ISM1: variants seen among roughly 807,000 people sequenced by gnomAD.
ISM1 encodes isthmin 1, also known as isthmin-1.
In ISM1, 25 loss-of-function variants were observed where a neutral mutation model predicts 46.3. The observed-to-expected ratio is 0.54, with a 90% CI of 0.39 to 0.75. The LOEUF (loss-of-function observed/expected upper bound fraction) is 0.75. ISM1 is among the 30% of genes least tolerant of loss of function. ISM1 has a pLI of 0.00. For synonymous variants in ISM1, 255 were observed against 256.7 expected, an observed-to-expected ratio of 0.99 and a Z score of 0.06; for missense variants, 536 against 625.4, an observed-to-expected ratio of 0.86 and a Z score of 1.52.
intron 1 of ISM1, among the ~76,000 whole-genome samples, chr20:13,268,346 TCC>T: frequency 3.7e-5 from 2 of 53,852 alleles, no homozygotes; most frequent in African/African-American, 7.1e-5. Flanking sequence ...TCCTTCTTCT[TCC>T]TCTCTCTCTC....
chr20:13,231,745 A>G (rs2039590724), intron 1 of ISM1, among the ~76,000 whole-genome samples: 1 of 152,154 alleles, frequency 6.6e-6, no homozygotes, highest in Non-Finnish European at 1.5e-5. Flanking sequence ...TTCCCCATGG[A>G]AGAGATAGTA....
intron 1 of ISM1, among the ~76,000 whole-genome samples, chr20:13,251,663 G>A (rs1478549365): frequency 6.6e-6 from 1 of 152,224 alleles, no homozygotes. Context: ...CCTTTGGTCA[G>A]AGAGCAAGCA....
rs186996176 is a variant in ISM1 at position 13,249,922 on chromosome 20, C to A, written c.139-20582C>A. ...TTCTCATTTGCAAAAATTGCTGGGG[C>A]CTTCCAGAAAAAGGCTTAATGTAAT... On this transcript the variant is annotated intron_variant, in intron 1 of 5. Transcript: ENST00000262487. Among the ~76,000 whole-genome samples, 5 of 152,172 alleles carry A rather than the reference C, an allele frequency of 3.3e-5. No homozygotes were observed. The East Asian group carries it at 7.7e-4, about 23-fold the overall frequency.
rs768775917 is a variant in ISM1, at chr20:13,270,625, G to A, written c.260G>A (p.Arg87Gln). The change falls in exon 2 of 6, where the codon CGA becomes CAA. Residue 87 changes from arginine to glutamine, a missense_variant. Arg to Gln is a conservative substitution (Grantham distance 43). This residue lies in a region of ISM1 where 367 missense variants were observed against 376.1 expected (regional missense o/e 0.98). Transcript: ENST00000262487. ...CAACCCTTCCCCAGACCGCGATTCC[G>A]ACAAGAGACGGGGCACCCTTCATTG... ...AHQPFPRPRF[R>Q]QETGHPSLQR... is the part of the protein sequence containing the mutation. The A allele has an allele frequency of 4.3e-5, 70 of 1,613,972 alleles. No homozygotes were observed. The highest frequency in any genetic ancestry group is 5.4e-5 in the Non-Finnish European group (64 of 1,179,882).
intron 2 of ISM1, among the ~76,000 whole-genome samples, chr20:13,274,098 C>A (rs2040147588): frequency 6.6e-6 from 1 of 151,644 alleles, no homozygotes; most frequent in African/African-American, 2.4e-5. Flanking sequence ...TGTGCATGCA[C>A]ACAAACACAC....
intron 2 of ISM1, among the ~76,000 whole-genome samples, chr20:13,276,433 AC>A (rs1446666836): frequency 6.6e-6 from 1 of 152,124 alleles, no homozygotes. Flanking sequence ...GTGCATTGGA[AC>A]TTTTCCTCGT....
chr20:13,291,479 A>C (rs2040352369), intron 4 of ISM1, among the ~76,000 whole-genome samples: 1 of 152,166 alleles, frequency 6.6e-6, no homozygotes, highest in Non-Finnish European at 1.5e-5. Context: ...GAGCCCCTTA[A>C]AGGAAATCAA....
At chr20:13,284,938 T>C (rs910853839) in intron 3 of ISM1, among the ~76,000 whole-genome samples, 3 of 152,186 alleles carry the variant, frequency 2.0e-5, no homozygotes, top group South Asian at 2.1e-4. Context: ...CTAGAGAGTA[T>C]ATTTTAGGGA....
chr20:13,310,406 C>T, the ISM1 span, among the ~76,000 whole-genome samples: 16 of 152,088 alleles, frequency 1.1e-4, no homozygotes, highest in Non-Finnish European at 1.3e-4. Flanking sequence ...TTATCTCACC[C>T]CACATATAAT....
intron 2 of ISM1, among the ~76,000 whole-genome samples, chr20:13,273,276 C>T (rs2040137096): frequency 1.5e-5 from 1 of 68,408 alleles, no homozygotes; most frequent in Admixed American, 1.5e-4. Flanking sequence ...TCTTTGTCAC[C>T]TATGCTACGG....
rs112662721 is a variant in ISM1, at chr20:13,290,465, C to T, written c.787+1782C>T. ...GAGATCGAGACCATCCTGGCTAACA[C>T]GGTGAAATGCCGTCTCTACTAAAAA... On this transcript the variant is annotated intron_variant, in intron 4 of 5. Transcript: ENST00000262487. 7.4e-3 allele frequency among the ~76,000 whole-genome samples: 1,128 copies of T among 152,210 alleles called. 14 individuals carry two copies. Among genetic ancestry groups the T allele is most frequent in the African/African-American group, 0.026 (1,071 of 41,530 alleles).
At chr20:13,280,987 T>G (rs1296253578) in intron 3 of ISM1, among the ~76,000 whole-genome samples, 5 of 152,218 alleles carry the variant, frequency 3.3e-5, no homozygotes, top group African/African-American at 1.2e-4. Flanking sequence ...CTTACACCAT[T>G]TGCATGCTAA....
chr20:13,247,750 G>C (rs1051720407), intron 1 of ISM1, among the ~76,000 whole-genome samples: 1 of 152,152 alleles, frequency 6.6e-6, no homozygotes, highest in African/African-American at 2.4e-5. Flanking sequence ...GACCACGACA[G>C]GAAGTGACTT....
chr20:13,301,860 G>A (rs1190729278), downstream of ISM1, among the ~76,000 whole-genome samples: 1 of 152,138 alleles, frequency 6.6e-6, no homozygotes, highest in African/African-American at 2.4e-5. Context: ...ACCCTCTGAT[G>A]TGTTTGTTAA....
intron 5 of ISM1, among the ~76,000 whole-genome samples, chr20:13,297,029 AC>A (rs1474287286): frequency 6.8e-6 from 1 of 147,558 alleles, no homozygotes; most frequent in African/African-American, 2.5e-5. Context: ...TCACTGCCTC[AC>A]CCCCCGCCAA....
At position 13,300,364 on chromosome 20, in the gene ISM1, T is replaced by C. The variant is rs1219806581; in HGVS notation, c.*905T>C. 1 of 152,152 alleles carries C rather than the reference T, an allele frequency of 6.6e-6. No homozygotes were observed. Among genetic ancestry groups the C allele is most frequent in the Non-Finnish European group, 1.5e-5 (1 of 68,032 alleles). The allele number at this position is 152,152 out of a possible 1,614,324, so 9.4% of individuals were successfully genotyped here. A position where few individuals can be genotyped will look rare whatever the true frequency, so the allele number is the denominator to read the frequency against. Reference sequence around the variant, plus strand: ...CCGCATTTCACCTATTTTAATACTATTTTAACAATTTTTTCATCTACCAAT... The same window carrying C: ...CCGCATTTCACCTATTTTAATACTACTTTAACAATTTTTTCATCTACCAAT... On this transcript the variant is annotated 3_prime_UTR_variant, in exon 6 of 6. Transcript: ENST00000262487.
At chr20:13,302,519 C>G (rs1234049102), downstream of ISM1, among the ~76,000 whole-genome samples, 2 of 152,184 alleles carry the variant, frequency 1.3e-5, no homozygotes. Flanking sequence ...AAGCTGGTGC[C>G]AGGGCAACCC....
At chr20:13,233,082 C>T (rs7263654) in intron 1 of ISM1, among the ~76,000 whole-genome samples, 23,927 of 151,962 alleles carry the variant, frequency 0.16, 1,996 homozygotes, top group East Asian at 0.24. Flanking sequence ...CTACTTCTCC[C>T]GTGTCCTGCT....
intron 1 of ISM1, among the ~76,000 whole-genome samples, chr20:13,268,107 C>T (rs1295095956): frequency 1.0e-5 from 1 of 98,632 alleles, no homozygotes; most frequent in Admixed American, 9.4e-5. Flanking sequence ...GCTCTCTCTC[C>T]TCTCCTGTCT....
Sources: allele counts gnomAD v4.1 joint callset (sites outside exome capture counted in the v4.1 genomes callset), GRCh38; gene constraint gnomAD v4.1.1; regional missense constraint gnomAD v4.1.1; transcripts MANE v1.5; gene names NCBI Gene and HGNC (gene_info 2026-07-23, HGNC 2026-07-21).